Variants in CREB5 observed in about 807,000 individuals in gnomAD.
CREB5 encodes cAMP responsive element binding protein 5, also known as cyclic AMP-responsive element-binding protein 5.
In CREB5, 19 loss-of-function variants were observed where a neutral mutation model predicts 57.1. That is an observed-to-expected ratio of 0.33 (90% confidence interval 0.23 to 0.49). The LOEUF (loss-of-function observed/expected upper bound fraction) is 0.49. CREB5 is among the 20% of genes least tolerant of loss of function. The probability of loss-of-function intolerance (pLI) is 0.99; values close to 1 mark genes in which losing one functional copy is unlikely to be tolerated. For synonymous variants in CREB5, 238 were observed against 238.3 expected (o/e 1.00, Z 0.01); for missense variants, 579 against 671.6 (o/e 0.86, Z 1.52).
chr7:28,392,220 G>A (rs1787231971), intron 1 of CREB5, among the ~76,000 whole-genome samples: 1 of 152,070 alleles, frequency 6.6e-6, no homozygotes, highest in African/African-American at 2.4e-5. Context: ...ACAAAACTCT[G>A]TGACATGAGT....
chr7:28,435,775 G>A (rs1301777564), intron 1 of CREB5: 2 of 591,708 alleles, frequency 3.4e-6, no homozygotes, highest in East Asian at 1.4e-4. Context: ...AAGATGCTCT[G>A]GTATGAAACC....
chr7:28,447,430 G>A (rs1385764963), intron 1 of CREB5, among the ~76,000 whole-genome samples: 1 of 152,198 alleles, frequency 6.6e-6, no homozygotes, highest in African/African-American at 2.4e-5. Flanking sequence ...ACCGACGGGG[G>A]AGTGGGTGAC....
intron 5 of CREB5, among the ~76,000 whole-genome samples, chr7:28,617,422 T>G (rs1255975605): frequency 6.6e-6 from 1 of 152,234 alleles, no homozygotes; most frequent in East Asian, 1.9e-4. Flanking sequence ...TTCTCTTTAG[T>G]GCATCTTATA....
intron 1 of CREB5, among the ~76,000 whole-genome samples, chr7:28,472,091 C>G (rs1019908080): frequency 2.0e-5 from 3 of 151,384 alleles, no homozygotes; most frequent in Non-Finnish European, 4.4e-5. Context: ...GACATGCTTT[C>G]CATCCCAACA....
chr7:28,533,035 T>A (rs971466930), intron 4 of CREB5, among the ~76,000 whole-genome samples: 1 of 152,098 alleles, frequency 6.6e-6, no homozygotes. Context: ...CAGGCTTGGA[T>A]CATGAGGTCA....
At chr7:28,667,068 G>A (rs886836229) in intron 5 of CREB5, among the ~76,000 whole-genome samples, 1 of 152,038 alleles carries the variant, frequency 6.6e-6, no homozygotes, top group Admixed American at 6.6e-5. Context: ...TGTGAAGAGT[G>A]AAACGAGGAC....
intron 1 of CREB5, among the ~76,000 whole-genome samples, chr7:28,339,281 A>G (rs1484641036): frequency 1.3e-5 from 2 of 152,074 alleles, no homozygotes; most frequent in African/African-American, 2.4e-5. Context: ...CTTTCCAGGT[A>G]TTCAAAGGGA....
intron 4 of CREB5, among the ~76,000 whole-genome samples, chr7:28,560,983 T>TGCGTGC (rs1562798271): frequency 1.4e-5 from 1 of 71,876 alleles, no homozygotes; most frequent in African/African-American, 4.3e-5. Flanking sequence ...CGTGTGTGCG[T>TGCGTGC]GCGTGTGTGT....
At chr7:28,404,385 T>C (rs1787535148) in intron 1 of CREB5, among the ~76,000 whole-genome samples, 1 of 152,134 alleles carries the variant, frequency 6.6e-6, no homozygotes, top group Non-Finnish European at 1.5e-5. Flanking sequence ...GCTGTCAGCC[T>C]CACCTCTCCT....
intron 1 of CREB5, among the ~76,000 whole-genome samples, chr7:28,369,961 G>T (rs557138629): frequency 6.6e-6 from 1 of 152,244 alleles, no homozygotes; most frequent in East Asian, 1.9e-4. Context: ...ATCACCTCTT[G>T]TTCCACTAGA....
At chr7:28,445,621 G>A (rs1021183798) in intron 1 of CREB5, among the ~76,000 whole-genome samples, 8 of 151,726 alleles carry the variant, frequency 5.3e-5, no homozygotes, top group South Asian at 2.1e-4. Context: ...GCGCGATCTC[G>A]GCTCACTGCA....
intron 5 of CREB5, among the ~76,000 whole-genome samples, chr7:28,637,253 C>T (rs1295174900): frequency 1.3e-5 from 2 of 152,146 alleles, no homozygotes; most frequent in Non-Finnish European, 2.9e-5. Context: ...CAAATTATGT[C>T]TAGCTTCAGT....
intron 2 of CREB5, chr7:28,491,257 A>T (rs960659859): frequency 2.0e-6 from 2 of 985,336 alleles, no homozygotes; most frequent in Non-Finnish European, 2.4e-6. Context: ...CCAGTGAGAC[A>T]GAAGGGGTGA....
intron 1 of CREB5, among the ~76,000 whole-genome samples, chr7:28,415,822 T>C (rs1024127393): frequency 3.3e-5 from 5 of 152,238 alleles, no homozygotes; most frequent in Admixed American, 2.6e-4. Flanking sequence ...TAACCTTTTT[T>C]GTCAAATAGA....
At chr7:28,538,784 T>C (rs527540856) in intron 4 of CREB5, among the ~76,000 whole-genome samples, 1 of 144,502 alleles carries the variant, frequency 6.9e-6, no homozygotes, top group Non-Finnish European at 1.5e-5. Flanking sequence ...AAATTTGATA[T>C]ATTATGTTTT....
chr7:28,362,536 A>G (rs1207149665), intron 1 of CREB5, among the ~76,000 whole-genome samples: 1 of 152,180 alleles, frequency 6.6e-6, no homozygotes, highest in Non-Finnish European at 1.5e-5. Flanking sequence ...AACAGCTTTT[A>G]TTTTTCAAAG....
intron 7 of CREB5, among the ~76,000 whole-genome samples, chr7:28,755,495 C>T (rs916719208): frequency 6.6e-6 from 1 of 152,074 alleles, no homozygotes; most frequent in Non-Finnish European, 1.5e-5. Context: ...CATAGAGGCT[C>T]AGGAATGCCA....
At chr7:28,542,390 G>A (rs1306004520) in intron 4 of CREB5, among the ~76,000 whole-genome samples, 1 of 152,144 alleles carries the variant, frequency 6.6e-6, no homozygotes, top group Non-Finnish European at 1.5e-5. Flanking sequence ...AGGGGCAGAG[G>A]GAAACAAAGA....
At chr7:28,535,101 C>T (rs1192352968) in intron 4 of CREB5, among the ~76,000 whole-genome samples, 2 of 140,994 alleles carry the variant, frequency 1.4e-5, no homozygotes, top group East Asian at 2.0e-4. Flanking sequence ...CTTTGCTGTC[C>T]CATGGTCACC....
Sources: gnomAD v4.1 joint callset for allele counts (sites outside exome capture counted in the v4.1 genomes callset) on GRCh38, gnomAD v4.1.1 for gene constraint, MANE v1.5 for transcripts, NCBI Gene and HGNC (gene_info 2026-07-23, HGNC 2026-07-21) for gene names.